Variants in FAM149B1 observed in about 807,000 individuals in gnomAD.
The protein encoded by FAM149B1 is primary cilium assembly protein FAM149B1.
A neutral mutation model predicts 75.3 loss-of-function variants in FAM149B1; 56 were observed. The ratio of observed to expected loss-of-function variants is 0.74; its 90% CI spans 0.60 to 0.93. FAM149B1 has a LOEUF of 0.93. Ranked by LOEUF, FAM149B1 falls within the 40% of genes least tolerant of loss-of-function variation. FAM149B1 has a pLI of 0.00. For synonymous variants in FAM149B1, 259 were observed against 256.1 expected (o/e 1.01, Z -0.11); for missense variants, 639 against 708.4 (o/e 0.90, Z 1.11).
intron 5 of FAM149B1, among the ~76,000 whole-genome samples, chr10:73,205,358 T>C (rs2043032593): frequency 6.6e-6 from 1 of 152,100 alleles, no homozygotes; most frequent in African/African-American, 2.4e-5. Flanking sequence ...ACTCTGTCTT[T>C]CTTCTGCTCT....
Position 73,243,470 on chromosome 10 carries a change from A to G in FAM149B1, c.*2451A>G. ...GGAAGATTTGCAGTACTTTGCTTCC[A>G]TCTGAGCCAGAAAATTGTCCATTTC... On this transcript the variant is annotated 3_prime_UTR_variant, in exon 14 of 14. Coordinates refer to ENST00000242505, the MANE Select transcript of FAM149B1 (RefSeq NM_173348.2). The G allele has an allele frequency of 1.9e-6, 3 of 1,614,100 alleles. No homozygotes were observed. The highest frequency in any genetic ancestry group is 3.3e-4 in the Middle Eastern group (2 of 6,062).
chr10:73,227,952 G>A, intron 7 of FAM149B1, 108 bp from the exon 8 acceptor site: 2 of 1,166,202 alleles, frequency 1.7e-6, no homozygotes, highest in Non-Finnish European at 2.5e-6. Context: ...AAAGATAAGT[G>A]AAGCCTTGTT....
chr10:73,176,860 C>T (rs1190949760), intron 2 of FAM149B1, among the ~76,000 whole-genome samples: 1 of 152,114 alleles, frequency 6.6e-6, no homozygotes, highest in African/African-American at 2.4e-5. Flanking sequence ...AACCCCGTCT[C>T]TACTAAAAAT....
chr10:73,206,781 G>A (rs2043068981), intron 5 of FAM149B1, among the ~76,000 whole-genome samples: 1 of 152,206 alleles, frequency 6.6e-6, no homozygotes, highest in African/African-American at 2.4e-5. Flanking sequence ...CAGGTGTGGT[G>A]GCGGACGCCT....
chr10:73,225,561 T>G (rs995685884), intron 7 of FAM149B1, among the ~76,000 whole-genome samples: 1 of 152,198 alleles, frequency 6.6e-6, no homozygotes, highest in African/African-American at 2.4e-5. Context: ...GATCAAAAAG[T>G]TAAAAAAATA....
chr10:73,208,693 C>T lies in FAM149B1; in HGVS notation c.617C>T (p.Ser206Phe). 1 of 1,549,146 alleles carries T rather than the reference C, an allele frequency of 6.5e-7. No individual in the cohort carries two copies. Among genetic ancestry groups the T allele is most frequent in the Non-Finnish European group, 8.7e-7 (1 of 1,145,366 alleles). Reference sequence around the variant, plus strand: ...AAAGCATCTTCCATTGCCAAATCCTCCAGCTTTTGTTCTATGGAAAGAGAT... The same window carrying T: ...AAAGCATCTTCCATTGCCAAATCCTTCAGCTTTTGTTCTATGGAAAGAGAT... Reference protein sequence around the residue: ...AHKASSIAKSSSFCSMERDEE... With the variant: ...AHKASSIAKSFSFCSMERDEE... The change falls in exon 6 of 14, where the codon TCC (serine) becomes TTC (phenylalanine). Residue 206 changes from serine to phenylalanine, a missense_variant. Physicochemically the swap from Ser to Phe is radical, Grantham distance 155. Coordinates refer to ENST00000242505, the MANE Select transcript of FAM149B1 (RefSeq NM_173348.2).
At chr10:73,178,840 T>C (rs936819488) in intron 3 of FAM149B1, among the ~76,000 whole-genome samples, 1 of 152,236 alleles carries the variant, frequency 6.6e-6, no homozygotes, top group African/African-American at 2.4e-5. Flanking sequence ...TCTTTACTTA[T>C]TTTTGGCTAT....
chr10:73,203,468 C>G (rs2075946225), intron 5 of FAM149B1, among the ~76,000 whole-genome samples: 1 of 152,120 alleles, frequency 6.6e-6, no homozygotes, highest in Non-Finnish European at 1.5e-5. Flanking sequence ...TTTGTAATCT[C>G]TTTATACTTA....
At chr10:73,183,535 ATTCAG>A (rs1219798663) in intron 3 of FAM149B1, 17 of 152,292 alleles carry the variant, frequency 1.1e-4, no homozygotes, top group Admixed American at 1.3e-4. Context: ...ATACTTCTCA[ATTCAG>A]TTCATAATAA....
intron 12 of FAM149B1, among the ~76,000 whole-genome samples, chr10:73,236,402 C>T (rs1329017571): frequency 1.3e-5 from 2 of 150,954 alleles, no homozygotes; most frequent in African/African-American, 2.4e-5. Flanking sequence ...TGCATCACTC[C>T]CAATTTCTGC....
chr10:73,236,027 A>G (rs1200386797), intron 12 of FAM149B1, among the ~76,000 whole-genome samples: 3 of 152,186 alleles, frequency 2.0e-5, no homozygotes, highest in Non-Finnish European at 4.4e-5. Flanking sequence ...AGCCTGGGGA[A>G]GTAACCAGGG....
intron 9 of FAM149B1, chr10:73,231,184 A>G (rs2043688810): frequency 6.6e-6 from 1 of 152,254 alleles, no homozygotes; most frequent in African/African-American, 2.4e-5. Flanking sequence ...CTTGCTGAGG[A>G]GTATTCTATT....
chr10:73,228,292 G>A (rs1038297381), intron 8 of FAM149B1, 108 bp downstream of exon 8: 11 of 851,992 alleles, frequency 1.3e-5, no homozygotes, highest in Admixed American at 2.5e-5. Context: ...ATATGTTTTA[G>A]TACAGTTATG....
At chr10:73,235,074 C>T (rs1013161764) in intron 11 of FAM149B1, 119 bp from the exon 12 acceptor site, 10 of 1,443,418 alleles carry the variant, frequency 6.9e-6, no homozygotes, top group Middle Eastern at 1.8e-4. Context: ...TAATTTATGA[C>T]GTGGAATTGG....
intron 2 of FAM149B1, among the ~76,000 whole-genome samples, chr10:73,175,909 C>A (rs994446478): frequency 5.9e-5 from 9 of 152,000 alleles, no homozygotes; most frequent in African/African-American, 2.2e-4. Flanking sequence ...TTTTTGGCAC[C>A]AGGGACCAGT....
intron 7 of FAM149B1, among the ~76,000 whole-genome samples, chr10:73,220,947 A>G (rs570329462): frequency 1.6e-4 from 24 of 152,366 alleles, no homozygotes; most frequent in Admixed American, 6.5e-4. Context: ...ATTCAGCCAC[A>G]AAGAGGAATT....
intron 1 of FAM149B1, among the ~76,000 whole-genome samples, chr10:73,170,589 C>G (rs1405463000): frequency 6.6e-6 from 1 of 152,064 alleles, no homozygotes; most frequent in Non-Finnish European, 1.5e-5. Context: ...TGGTATTTTC[C>G]TTGTCCCTTC....
At chr10:73,235,372 G>C in intron 12 of FAM149B1, 54 bp downstream of exon 12, 1 of 1,547,392 alleles carries the variant, frequency 6.5e-7, no homozygotes, top group South Asian at 1.2e-5. Context: ...AGAAAAGGTG[G>C]GGGGAATAAT....
intron 2 of FAM149B1, among the ~76,000 whole-genome samples, chr10:73,177,179 G>A (rs1844005302): frequency 6.6e-6 from 1 of 152,084 alleles, no homozygotes; most frequent in Non-Finnish European, 1.5e-5. Flanking sequence ...ATTCCAGCCT[G>A]GGTGACAGAG....
Sources: gnomAD v4.1 joint callset for allele counts (sites outside exome capture counted in the v4.1 genomes callset) on GRCh38, gnomAD v4.1.1 for gene constraint, MANE v1.5 for transcripts, NCBI Gene and HGNC (gene_info 2026-07-23, HGNC 2026-07-21) for gene names.